The following NSD1 variants were observed in gnomAD, a reference collection of about 807,000 sequenced individuals.
The protein encoded by NSD1 is nuclear receptor binding SET domain protein 1, also known as histone-lysine N-methyltransferase, H3 lysine-36 specific.
A neutral mutation model predicts 242.7 loss-of-function variants in NSD1; 26 were observed. That is an observed-to-expected ratio of 0.11 (90% CI 0.08 to 0.15). The LOEUF is 0.15. Ranked by LOEUF, NSD1 falls within the 10% of genes least tolerant of loss-of-function variation. NSD1 has a pLI of 1.00. For missense variants in NSD1, 2,495 were observed against 3,272.8 expected, an observed-to-expected ratio of 0.76 and a Z score of 5.80; for synonymous variants, 1,106 against 1,178.1, an observed-to-expected ratio of 0.94 and a Z score of 1.25.
At position 177,135,446 on chromosome 5, in the gene NSD1, TC is replaced by T. The variant is rs1756233283; in HGVS notation, c.345del (p.Leu116Ter). 1 of 1,614,186 alleles carries T rather than the reference TC, an allele frequency of 6.2e-7. No homozygotes were observed. The highest frequency in any genetic ancestry group is 8.5e-7 in the Non-Finnish European group (1 of 1,180,030). The part of the protein sequence containing the change: ...SRAQTPIVCT[S>X]LSPGGPTALA... ...AGCTCAGACGCCAATTGTTTGCACT[TC>T]CTTGAGTCCTGGTGGTCCTACAGCA... On this transcript the variant is annotated frameshift_variant, in exon 2 of 23. Coordinates refer to ENST00000439151, the MANE Select transcript of NSD1 (RefSeq NM_022455.5). LOFTEE classifies it high-confidence loss of function.
In NSD1 at chr5:177,210,397, A is replaced by G. The variant is rs2149844286; in HGVS notation, c.1998A>G (p.Pro666=). ...SESDNSVLEI[P]DAFDRTENML... ...CTGATAACAGTGTCCTTGAAATTCCAGATGCTTTCGATAGAACAGAGAACA... is the reference window on the plus strand; with the variant it reads ...CTGATAACAGTGTCCTTGAAATTCCGGATGCTTTCGATAGAACAGAGAACA... The change falls in exon 5 of 23, where the codon CCA becomes CCG. Residue 666 remains proline, a synonymous_variant. Coordinates refer to ENST00000439151, the MANE Select transcript of NSD1 (RefSeq NM_022455.5). 1 of 1,614,202 alleles carries G rather than the reference A, an allele frequency of 6.2e-7. No homozygotes were observed. The highest frequency in any genetic ancestry group is 2.2e-5 in the East Asian group (1 of 44,888).
In NSD1 at chr5:177,170,660, T is replaced by A. The variant is rs138871285; in HGVS notation, c.928-21224T>A. The stretch of plus-strand genomic sequence containing the variant: ...GAGCCACTGCGCCTGGCCAACTTCA[T>A]TTTTTATTTTTTTGGAAAGTGTACG... On this transcript the variant is annotated intron_variant, in intron 2 of 22. Coordinates refer to ENST00000439151, the MANE Select transcript of NSD1 (RefSeq NM_022455.5). Among the ~76,000 whole-genome samples the A allele has an allele frequency of 4.2e-3, 645 of 152,296 alleles. 3 individuals are homozygous for A. Among genetic ancestry groups the A allele is most frequent in the African/African-American group, 0.014 (589 of 41,552 alleles).
In NSD1 at chr5:177,210,065, A is replaced by G. The variant is rs143571876; in HGVS notation, c.1666A>G (p.Asn556Asp). The G allele has an allele frequency of 6.8e-5, 109 of 1,613,988 alleles. No homozygotes were observed. The highest frequency in any genetic ancestry group is 4.9e-4 in the African/African-American group (37 of 75,022). The change falls in exon 5 of 23, where the codon AAT becomes GAT. Residue 556 changes from asparagine (N) to aspartate (D), a missense_variant. This residue lies in a region of NSD1 where 515 missense variants were observed against 467.0 expected (regional missense o/e 1.10). Coordinates refer to ENST00000439151, the MANE Select transcript of NSD1 (RefSeq NM_022455.5). ...QASNELSRIA[N>D]SLTGSNTAPG... The stretch of plus-strand genomic sequence containing the variant: ...CTCTAATGAACTTTCCAGGATAGCA[A>G]ATAGCCTCACAGGGTCCAACACTGC...
intron 20 of NSD1, among the ~76,000 whole-genome samples, chr5:177,285,950 C>T (rs889964930): frequency 2.6e-5 from 4 of 152,108 alleles, no homozygotes; most frequent in Admixed American, 6.5e-5. Context: ...GGCTGGAGTG[C>T]AGTGGCATGA....
At chr5:177,265,226 T>G (rs912500600) in intron 14 of NSD1, 35 of 774,512 alleles carry the variant, frequency 4.5e-5, no homozygotes, top group East Asian at 3.2e-4. Flanking sequence ...CTATTCCCTA[T>G]GAATTCATGG....
rs763822723 is a variant in NSD1, at chr5:177,282,485, T to C, written c.5913T>C (p.Tyr1971=). The change falls in exon 19 of 23, where the codon TAT becomes TAC. Residue 1971 remains tyrosine (Y), a synonymous_variant. Coordinates refer to ENST00000439151, the MANE Select transcript of NSD1 (RefSeq NM_022455.5). The part of the protein sequence containing the change: ...DIKKGEFVNE[Y]VGELIDEEEC... ...TCTAGGGTGAATTTGTGAATGAGTATGTGGGTGAGCTTATAGATGAAGAAG... is the reference window on the plus strand; with the variant it reads ...TCTAGGGTGAATTTGTGAATGAGTACGTGGGTGAGCTTATAGATGAAGAAG... 162 of 1,613,138 alleles carry C rather than the reference T, an allele frequency of 1.0e-4. 1 individual carries two copies. Among genetic ancestry groups the C allele is most frequent in the Non-Finnish European group, 6.8e-6 (8 of 1,179,612 alleles).
chr5:177,135,981 T>C lies in NSD1; in HGVS notation c.878T>C (p.Leu293Pro). Residue 293 changes from leucine (L) to proline (P), a missense_variant, in exon 2 of 23, where the codon CTA becomes CCA. Around this residue, in one of 19 missense-constraint regions of NSD1, gnomAD observed 376 missense variants for 367.4 expected, o/e 1.02. Transcript: ENST00000439151. The part of the protein sequence containing the change: ...DSSTSTLGNM[L>P]ELPGTSSSST... ...AGTACCAGTACATTAGGAAACATGC[T>C]AGAATTACCTGGAACTTCATCATCA... 1.9e-6 allele frequency: 3 copies of C among 1,614,162 alleles called. No homozygotes were observed. The highest frequency in any genetic ancestry group is 2.5e-6 in the Non-Finnish European group (3 of 1,180,032).
At position 177,298,034 on chromosome 5, in the gene NSD1, C is replaced by T. The variant is rs1183840526; in HGVS notation, c.*2575C>T. ...TTTGAGCTATTGGGCCCACCAGTAGCAGCATGTGATACTAGATGGTTAAAA... is the reference window on the plus strand; with the variant it reads ...TTTGAGCTATTGGGCCCACCAGTAGTAGCATGTGATACTAGATGGTTAAAA... On this transcript the variant is annotated 3_prime_UTR_variant, in exon 23 of 23. Coordinates refer to ENST00000439151, the MANE Select transcript of NSD1 (RefSeq NM_022455.5). 4.3e-6 allele frequency: 1 copy of T among 232,570 alleles called. No individual in the cohort carries two copies. Among genetic ancestry groups the T allele is most frequent in the Non-Finnish European group, 8.5e-6 (1 of 117,984 alleles). The allele number at this position is 232,570 out of a possible 1,614,324, so 14.4% of individuals were successfully genotyped here. A position where few individuals can be genotyped will look rare whatever the true frequency, so the allele number is the denominator to read the frequency against.
At chr5:177,198,632 TG>T (rs146774548) in intron 3 of NSD1, among the ~76,000 whole-genome samples, 1 of 152,048 alleles carries the variant, frequency 6.6e-6, no homozygotes, top group Admixed American at 6.6e-5. Context: ...CACCAACATA[TG>T]GGGGGGTCAA....
intron 2 of NSD1, among the ~76,000 whole-genome samples, chr5:177,159,032 T>G (rs201153139): frequency 1.1e-4 from 11 of 104,072 alleles, no homozygotes; most frequent in African/African-American, 1.3e-4. Context: ...ATATGAATGA[T>G]ATATATATAT....
chr5:177,232,652 A>C (rs529235897), intron 5 of NSD1, among the ~76,000 whole-genome samples: 55 of 152,342 alleles, frequency 3.6e-4, no homozygotes, highest in Middle Eastern at 6.8e-3. Flanking sequence ...GCACCAACAG[A>C]AAGTTTTCCA....
rs1452519244 is a variant in NSD1, at chr5:177,280,586, G to A, written c.5644G>A (p.Val1882Ile). 6.2e-7 allele frequency: 1 copy of A among 1,614,192 alleles called. No homozygotes were observed. Among genetic ancestry groups the A allele is most frequent in the South Asian group, 1.1e-5 (1 of 91,092 alleles). ...CCAGGTAAACCGTCCTATTGGCAGG[G>A]TACAGATCTTCACTGCAGACTTATC... ...HIKVNRPIGR[V>I]QIFTADLSEI... is the part of the protein sequence containing the mutation. Residue 1882 changes from valine to isoleucine, a missense_variant, in exon 18 of 23, where the codon GTA becomes ATA. Physicochemically the swap from Val to Ile is conservative, Grantham distance 29 (BLOSUM62 3). Transcript: ENST00000439151.
intron 5 of NSD1, 94 bp from the exon 6 acceptor site, chr5:177,235,727 C>T: frequency 2.0e-6 from 3 of 1,523,008 alleles, no homozygotes; most frequent in Non-Finnish European, 2.7e-6. Flanking sequence ...GGTTTCCCAT[C>T]TGGTTACTTT....
At position 177,178,521 on chromosome 5, in the gene NSD1, C is replaced by T. The variant is rs988123440; in HGVS notation, c.928-13363C>T. Among the ~76,000 whole-genome samples, 4 of 152,050 alleles carry T rather than the reference C, an allele frequency of 2.6e-5. No individual in the cohort carries two copies. The East Asian group carries it at 5.8e-4, about 22-fold the overall frequency. ...GATTACAGGCGTAAGCCACCGCACC[C>T]GGCCTTTAATAGACATGTTTTAAAT... is the stretch of plus-strand genomic sequence containing the variant. On this transcript the variant is annotated intron_variant, in intron 2 of 22. Coordinates refer to ENST00000439151, the MANE Select transcript of NSD1 (RefSeq NM_022455.5).
chr5:177,162,828 C>CT (rs1315112550), intron 2 of NSD1, among the ~76,000 whole-genome samples: 1 of 152,000 alleles, frequency 6.6e-6, no homozygotes, highest in African/African-American at 2.4e-5. Flanking sequence ...CCTCACCCAT[C>CT]TAATTTTTTA....
At chr5:177,202,170 GA>G (rs199735386) in intron 3 of NSD1, among the ~76,000 whole-genome samples, 52,840 of 140,700 alleles carry the variant, frequency 0.38, 12,477 homozygotes, top group African/African-American at 0.68. Flanking sequence ...CTCCGTCTCA[GA>G]AAAAAAAAAA....
At chr5:177,145,035 G>T (rs1163329299) in intron 2 of NSD1, among the ~76,000 whole-genome samples, 1 of 150,940 alleles carries the variant, frequency 6.6e-6, no homozygotes, top group Non-Finnish European at 1.5e-5. Context: ...CAGTAAGCTG[G>T]GATTGTGCCA....
At chr5:177,265,634 A>C in intron 14 of NSD1, 1 of 1,579,380 alleles carries the variant, frequency 6.3e-7, no homozygotes. Context: ...ATCTAGGTTG[A>C]TGGTGAAGTC....
chr5:177,278,844 T>TA (rs1398189330), intron 17 of NSD1, among the ~76,000 whole-genome samples: 14 of 152,256 alleles, frequency 9.2e-5, no homozygotes, highest in African/African-American at 3.4e-4. Context: ...TGAGGGGAGA[T>TA]ACATTCTCAT....
Sources: allele counts gnomAD v4.1 joint callset (sites outside exome capture counted in the v4.1 genomes callset), GRCh38; gene constraint gnomAD v4.1.1; regional missense constraint gnomAD v4.1.1; transcripts MANE v1.5; gene names NCBI Gene and HGNC (gene_info 2026-07-23, HGNC 2026-07-21).